The following CELF2 variants were observed in gnomAD, a reference collection of about 807,000 sequenced individuals.
The protein encoded by CELF2 is CUGBP Elav-like family member 2.
Under a neutral mutation model 62.6 loss-of-function variants are expected in CELF2, and 8 were observed. The ratio of observed to expected loss-of-function variants is 0.13; its 90% CI spans 0.07 to 0.23. CELF2 has a LOEUF of 0.23. Among genes scored for constraint, CELF2 ranks in the 10% least tolerant of loss-of-function variants. The probability of loss-of-function intolerance (pLI) is 1.00; values close to 1 mark genes in which losing one functional copy is unlikely to be tolerated. For missense variants in CELF2, 333 were observed against 671.0 expected, an observed-to-expected ratio of 0.50 and a Z score of 5.56; for synonymous variants, 258 against 250.0, an observed-to-expected ratio of 1.03 and a Z score of -0.30.
At chr10:10,748,573 C>T in the CELF2 span, among the ~76,000 whole-genome samples, 149 of 151,592 alleles carry the variant, frequency 9.8e-4, no homozygotes, top group Admixed American at 7.8e-3. Context: ...ACAGTGAAAC[C>T]CTGTCTCTAC....
chr10:10,822,169 A>G (rs1467644801), intron 1 of CELF2, among the ~76,000 whole-genome samples: 1 of 152,160 alleles, frequency 6.6e-6, no homozygotes, highest in African/African-American at 2.4e-5. Context: ...CTGCGATGCA[A>G]TATGCTCTGG....
intron 1 of CELF2, among the ~76,000 whole-genome samples, chr10:10,886,410 G>A (rs1049894028): frequency 3.3e-5 from 5 of 152,172 alleles, no homozygotes; most frequent in African/African-American, 1.2e-4. Context: ...ACTGAGACAT[G>A]CAGAATATAG....
chr10:10,937,689 T>C (rs1451072995), intron 2 of CELF2: 1 of 152,206 alleles, frequency 6.6e-6, no homozygotes, highest in Non-Finnish European at 1.5e-5. Context: ...GTAGCTATAA[T>C]TGACAGAGTG....
At chr10:10,700,040 G>C in the CELF2 span, among the ~76,000 whole-genome samples, 1 of 152,232 alleles carries the variant, frequency 6.6e-6, no homozygotes, top group South Asian at 2.1e-4. Context: ...CCCCCACTAG[G>C]TATCTGGAAT....
chr10:10,653,702 G>C, the CELF2 span, among the ~76,000 whole-genome samples: 1 of 137,842 alleles, frequency 7.3e-6, no homozygotes, highest in Non-Finnish European at 1.6e-5. Flanking sequence ...AGAATCTCTG[G>C]GATGCATTCA....
chr10:10,698,525 T>C, the CELF2 span, among the ~76,000 whole-genome samples: 1 of 152,380 alleles, frequency 6.6e-6, no homozygotes, highest in Middle Eastern at 3.4e-3. Context: ...TACATATCCA[T>C]TTGTTTTCAG....
intron 2 of CELF2, among the ~76,000 whole-genome samples, chr10:10,921,933 T>C (rs2064961801): frequency 6.6e-6 from 1 of 152,064 alleles, no homozygotes; most frequent in South Asian, 2.1e-4. Flanking sequence ...CTAGAAACTG[T>C]TGGAAGTAGA....
intron 1 of CELF2, among the ~76,000 whole-genome samples, chr10:11,120,226 C>T (rs539061843): frequency 6.6e-6 from 1 of 152,234 alleles, no homozygotes; most frequent in East Asian, 1.9e-4. Flanking sequence ...GCATATTTAG[C>T]TCTTAATTTA....
chr10:11,162,196 G>A (rs2065880451), intron 1 of CELF2, among the ~76,000 whole-genome samples: 1 of 152,074 alleles, frequency 6.6e-6, no homozygotes, highest in Admixed American at 6.5e-5. Context: ...CACCTATTGA[G>A]GCAGCGCCAG....
chr10:10,823,320 G>C (rs929453105), intron 1 of CELF2, among the ~76,000 whole-genome samples: 4 of 152,166 alleles, frequency 2.6e-5, no homozygotes, highest in Admixed American at 2.0e-4. Flanking sequence ...CAGCATCTTG[G>C]TTGCTGGGTC....
intron 1 of CELF2, chr10:11,092,349 C>T (rs892274999): frequency 6.6e-6 from 1 of 152,204 alleles, no homozygotes; most frequent in Non-Finnish European, 1.5e-5. Flanking sequence ...TGTTGGCGGA[C>T]ACCACTTTAT....
At chr10:10,851,447 AG>A (rs1230872116) in intron 1 of CELF2, among the ~76,000 whole-genome samples, 1 of 152,208 alleles carries the variant, frequency 6.6e-6, no homozygotes, top group Admixed American at 6.5e-5. Flanking sequence ...TAACTCAGCA[AG>A]GTTGCCGACC....
the CELF2 span, among the ~76,000 whole-genome samples, chr10:10,659,119 C>G: frequency 4.7e-4 from 71 of 152,262 alleles, no homozygotes; most frequent in African/African-American, 1.6e-3. Context: ...GTTCAAATTG[C>G]TTTATTTAAT....
chr10:10,907,365 G>A (rs566941048), intron 1 of CELF2, among the ~76,000 whole-genome samples: 27 of 152,268 alleles, frequency 1.8e-4, no homozygotes, highest in African/African-American at 5.8e-4. Flanking sequence ...TATTTGAGAC[G>A]TTATAAGGAT....
At position 10,815,027 on chromosome 10, in the gene CELF2, C is replaced by G. The variant is rs111997251; in HGVS notation, c.53+16210C>G. 7.2e-3 allele frequency among the ~76,000 whole-genome samples: 1,100 copies of G among 152,318 alleles called. 14 individuals are homozygous for G. Among genetic ancestry groups the G allele is most frequent in the African/African-American group, 0.025 (1,053 of 41,568 alleles). On this transcript the variant is annotated intron_variant, in intron 1 of 13. Coordinates refer to the CELF2 transcript ENST00000636488. Reference sequence around the variant, plus strand: ...CAATTACTAAATTGAAAGTGTCAGTCTGCCTTGTCAAAGAGTGAGAATTAT... The same window carrying G: ...CAATTACTAAATTGAAAGTGTCAGTGTGCCTTGTCAAAGAGTGAGAATTAT...
At chr10:10,986,628 G>A (rs1224465100) in intron 2 of CELF2, among the ~76,000 whole-genome samples, 1 of 152,200 alleles carries the variant, frequency 6.6e-6, no homozygotes, top group East Asian at 1.9e-4. Flanking sequence ...TTCCATTCAT[G>A]TGACAGCTGC....
At chr10:10,705,951 G>A in the CELF2 span, among the ~76,000 whole-genome samples, 1 of 152,140 alleles carries the variant, frequency 6.6e-6, no homozygotes, top group African/African-American at 2.4e-5. Flanking sequence ...TCATGGTCAG[G>A]CCCAGCCTCC....
At chr10:10,729,411 A>G in the CELF2 span, among the ~76,000 whole-genome samples, 1 of 152,220 alleles carries the variant, frequency 6.6e-6, no homozygotes, top group Non-Finnish European at 1.5e-5. Flanking sequence ...TTTCCTCGCA[A>G]CGGCTGCTTC....
rs1017938441 is a variant in CELF2 at position 10,997,149 on chromosome 10, C to T, written c.89+77150C>T. Among the ~76,000 whole-genome samples, 2 of 152,148 alleles carry T rather than the reference C, an allele frequency of 1.3e-5. No homozygotes were observed. The highest frequency in any genetic ancestry group is 4.8e-5 in the African/African-American group (2 of 41,424). On this transcript the variant is annotated intron_variant, in intron 2 of 13. Coordinates refer to the CELF2 transcript ENST00000636488. The surrounding 1 kb of genome is among the most constrained non-coding windows in gnomAD (Gnocchi z 5.3). ...CCCTTCCACGTACTGCATGTGTCAG[C>T]TTGGGCCGTTTTTAATCTGCCAGGC...
Sources: allele counts gnomAD v4.1 joint callset (sites outside exome capture counted in the v4.1 genomes callset), GRCh38; gene constraint gnomAD v4.1.1; non-coding constraint Gnocchi (gnomAD v3.1); transcripts MANE v1.5; gene names NCBI Gene and HGNC (gene_info 2026-07-23, HGNC 2026-07-21).